CPE: variants seen among roughly 807,000 people sequenced by gnomAD.
The protein encoded by CPE is carboxypeptidase E, also known as carbocypeptidase E.
CPE carries 17 observed loss-of-function variants against 53.5 expected under a neutral mutation model. The ratio of observed to expected loss-of-function variants is 0.32; its 90% confidence interval spans 0.22 to 0.48. CPE has a LOEUF of 0.48. Among genes scored for constraint, CPE ranks in the 20% least tolerant of loss-of-function variants. The pLI, the probability that CPE is intolerant of heterozygous loss-of-function variation, is 0.99. For synonymous variants in CPE, 226 were observed against 228.8 expected (o/e 0.99, Z 0.11); for missense variants, 524 against 614.7 (o/e 0.85, Z 1.56).
chr4:165,404,264 G>A, intron 1 of CPE: 1 of 767,770 alleles, frequency 1.3e-6, no homozygotes, highest in South Asian at 1.4e-5. Context: ...GTCTCCCTCT[G>A]CAGGTGTGGC....
rs889016892 is a variant in CPE at position 165,481,560 on chromosome 4, T to G, written c.673-682T>G. Among the ~76,000 whole-genome samples, 6 of 152,228 alleles carry G rather than the reference T, an allele frequency of 3.9e-5. 1 individual carries two copies. Among genetic ancestry groups the G allele is most frequent in the Non-Finnish European group, 8.8e-5 (6 of 68,042 alleles). On this transcript the variant is annotated intron_variant, in intron 3 of 8. Coordinates refer to ENST00000402744, the MANE Select transcript of CPE (RefSeq NM_001873.4). Reference sequence around the variant, plus strand: ...AGCTTTTGGCTCCACATTATTTCTTTGGTATACATTTCTTTTTTCCTTTGT... The same window carrying G: ...AGCTTTTGGCTCCACATTATTTCTTGGGTATACATTTCTTTTTTCCTTTGT...
At chr4:165,426,311 T>C (rs1731317007) in intron 1 of CPE, among the ~76,000 whole-genome samples, 1 of 152,250 alleles carries the variant, frequency 6.6e-6, no homozygotes, top group African/African-American at 2.4e-5. Flanking sequence ...CTTTGTTATA[T>C]ATAATGATTT....
At chr4:165,401,394 C>T (rs1730865784) in intron 1 of CPE, among the ~76,000 whole-genome samples, 1 of 152,212 alleles carries the variant, frequency 6.6e-6, no homozygotes, top group Non-Finnish European at 1.5e-5. Flanking sequence ...TGATAGTCAA[C>T]ATGTGGATAA....
intron 1 of CPE, among the ~76,000 whole-genome samples, chr4:165,418,931 A>G (rs986251515): frequency 6.6e-6 from 1 of 152,178 alleles, no homozygotes; most frequent in Non-Finnish European, 1.5e-5. Context: ...TATTATAAAT[A>G]TTTTAAGATA....
At chr4:165,470,970 G>A (rs1012409325) in intron 3 of CPE, among the ~76,000 whole-genome samples, 21 of 152,162 alleles carry the variant, frequency 1.4e-4, no homozygotes, top group African/African-American at 5.1e-4. Context: ...GGGGTCCTCT[G>A]TAGAAGGGTG....
At chr4:165,492,076 G>C (rs1459976628) in intron 6 of CPE, among the ~76,000 whole-genome samples, 1 of 152,178 alleles carries the variant, frequency 6.6e-6, no homozygotes, top group Non-Finnish European at 1.5e-5. Context: ...TAGATGAATT[G>C]TCTTTCCAAA....
chr4:165,401,709 G>T (rs1294437000), intron 1 of CPE, among the ~76,000 whole-genome samples: 1 of 152,178 alleles, frequency 6.6e-6, no homozygotes, highest in Non-Finnish European at 1.5e-5. Flanking sequence ...GTTTATGTGT[G>T]GGGGAACATG....
At chr4:165,453,804 C>T (rs1731854473) in intron 1 of CPE, among the ~76,000 whole-genome samples, 1 of 152,166 alleles carries the variant, frequency 6.6e-6, no homozygotes, top group Admixed American at 6.5e-5. Context: ...TCATCATCAT[C>T]TAGATCTGGC....
chr4:165,389,359 T>A (rs1440694159), intron 1 of CPE, among the ~76,000 whole-genome samples: 1 of 152,210 alleles, frequency 6.6e-6, no homozygotes, highest in Non-Finnish European at 1.5e-5. Flanking sequence ...TACTTCTACT[T>A]ATAGCTATTG....
In CPE at chr4:165,497,582, A is replaced by G. The variant is rs1415080389; in HGVS notation, c.1403A>G (p.Lys468Arg). The G allele has an allele frequency of 6.4e-7, 1 of 1,573,334 alleles. No homozygotes were observed. The highest frequency in any genetic ancestry group is 8.6e-7 in the Non-Finnish European group (1 of 1,162,546). The change falls in exon 9 of 9, where the codon AAA becomes AGA. Residue 468 changes from lysine to arginine, a missense_variant. Transcript: ENST00000402744. Reference sequence around the variant, plus strand: ...AAGGAAGAATTGATGGAATGGTGGAAAATGATGTCAGAAACTTTAAATTTT... The same window carrying G: ...AAGGAAGAATTGATGGAATGGTGGAGAATGATGTCAGAAACTTTAAATTTT... ...EEKEELMEWW[K>R]MMSETLNF is the part of the protein sequence containing the mutation.
chr4:165,444,966 AT>A (rs1481913642), intron 1 of CPE, among the ~76,000 whole-genome samples: 3 of 147,836 alleles, frequency 2.0e-5, no homozygotes, highest in African/African-American at 7.6e-5. Flanking sequence ...ATTTTTTTAA[AT>A]TTTTTTTGAG....
At chr4:165,451,974 G>A (rs2126692623) in intron 1 of CPE, among the ~76,000 whole-genome samples, 1 of 147,142 alleles carries the variant, frequency 6.8e-6, no homozygotes, top group Admixed American at 6.9e-5. Flanking sequence ...ATTGCTACAT[G>A]CCACTTTGGT....
chr4:165,423,903 T>C (rs2126675242), intron 1 of CPE, among the ~76,000 whole-genome samples: 1 of 151,164 alleles, frequency 6.6e-6, no homozygotes, highest in South Asian at 2.1e-4. Context: ...GTTTGGTTTT[T>C]TGTTCTTGCG....
chr4:165,393,854 G>A (rs1356402888), intron 1 of CPE, among the ~76,000 whole-genome samples: 1 of 152,166 alleles, frequency 6.6e-6, no homozygotes, highest in Non-Finnish European at 1.5e-5. Context: ...AAAAAACCAG[G>A]AAAGCATTGA....
At chr4:165,409,564 TA>T (rs1387670109) in intron 1 of CPE, among the ~76,000 whole-genome samples, 1 of 152,160 alleles carries the variant, frequency 6.6e-6, no homozygotes, top group Admixed American at 6.5e-5. Flanking sequence ...TGTGAGAGAC[TA>T]AAATAAATAA....
intron 1 of CPE, among the ~76,000 whole-genome samples, chr4:165,452,353 A>G (rs1302334550): frequency 2.0e-5 from 3 of 152,178 alleles, no homozygotes; most frequent in Non-Finnish European, 2.9e-5. Context: ...TAGTTACCCA[A>G]ATTCGATCAT....
rs529313479 is a variant in CPE at position 165,419,955 on chromosome 4, T to G, written c.307+40427T>G. 2.2e-3 allele frequency among the ~76,000 whole-genome samples: 341 copies of G among 152,326 alleles called. 1 individual carries two copies. The highest frequency in any genetic ancestry group is 8.0e-3 in the African/African-American group (331 of 41,568). On this transcript the variant is annotated intron_variant, in intron 1 of 8. Transcript: ENST00000402744. ...ACTGGATAATATTTTTAAACATAGA[T>G]TTAGAATGCCTTTTTTTCAAATATG... is the stretch of plus-strand genomic sequence containing the variant.
At chr4:165,486,448 G>A (rs771529878) in intron 5 of CPE, among the ~76,000 whole-genome samples, 1 of 152,138 alleles carries the variant, frequency 6.6e-6, no homozygotes, top group African/African-American at 2.4e-5. Flanking sequence ...AGTGTGAAAG[G>A]AAATTAAATT....
intron 3 of CPE, among the ~76,000 whole-genome samples, chr4:165,469,120 T>C (rs1428333894): frequency 6.6e-6 from 1 of 152,206 alleles, no homozygotes; most frequent in Non-Finnish European, 1.5e-5. Flanking sequence ...TGGTACTCTC[T>C]GTTATGTAGC....
Sources: gnomAD v4.1 joint callset for allele counts (sites outside exome capture counted in the v4.1 genomes callset) on GRCh38, gnomAD v4.1.1 for gene constraint, MANE v1.5 for transcripts, NCBI Gene and HGNC (gene_info 2026-07-23, HGNC 2026-07-21) for gene names.